MTA1: variants seen among roughly 807,000 people sequenced by gnomAD.
MTA1 encodes the protein metastasis-associated protein MTA1.
A neutral mutation model predicts 97.0 loss-of-function variants in MTA1; 15 were observed. The observed-to-expected ratio is 0.15, with a 90% CI of 0.10 to 0.24. The LOEUF (loss-of-function observed/expected upper bound fraction) is 0.24. MTA1 is among the 10% of genes least tolerant of loss of function. The pLI, the probability that MTA1 is intolerant of heterozygous loss-of-function variation, is 1.00. For synonymous variants in MTA1, 435 were observed against 417.5 expected, an observed-to-expected ratio of 1.04 and a Z score of -0.51; for missense variants, 709 against 1,015.1, an observed-to-expected ratio of 0.70 and a Z score of 4.10.
At chr14:105,427,924 A>ACGCAAG (rs113038624) in intron 1 of MTA1, among the ~76,000 whole-genome samples, 9,408 of 149,774 alleles carry the variant, frequency 0.063, 966 homozygotes, top group African/African-American at 0.22. Context: ...AGGCCGAGGC[A>ACGCAAG]TGAGAATCAC....
chr14:105,465,854 A>C (rs2083559860), intron 16 of MTA1: 1 of 153,480 alleles, frequency 6.5e-6, no homozygotes, highest in Non-Finnish European at 1.5e-5. Flanking sequence ...CTCCCGACAC[A>C]GGGTGACTGT....
Position 105,463,729 on chromosome 14 carries a change from T to C in MTA1, c.1076+178T>C. The C allele has an allele frequency of 1.5e-6, 1 of 645,990 alleles. No individual in the cohort carries two copies. Among genetic ancestry groups the C allele is most frequent in the Non-Finnish European group, 2.7e-6 (1 of 372,554 alleles). 40.0% of individuals were successfully genotyped at this position (645,990 alleles called of 1,614,324 possible). ...GTTCTGGCTGCAGACGCAGTGGCCA[T>C]GTCTCTGTCGTCCTGGCCTCCTGGT... On this transcript the variant is annotated intron_variant, in intron 12 of 20. Coordinates refer to ENST00000331320, the MANE Select transcript of MTA1 (RefSeq NM_004689.4). The surrounding 1 kb of genome is among the most constrained non-coding windows in gnomAD (Gnocchi z 5.9).
intron 1 of MTA1, among the ~76,000 whole-genome samples, chr14:105,421,628 G>C (rs1230492026): frequency 2.6e-5 from 4 of 152,224 alleles, no homozygotes; most frequent in African/African-American, 9.6e-5. Context: ...TGTGATCTTG[G>C]CGCCAGCCTG....
At chr14:105,443,317 C>T (rs782505298) in intron 2 of MTA1, among the ~76,000 whole-genome samples, 3 of 152,174 alleles carry the variant, frequency 2.0e-5, no homozygotes, top group Non-Finnish European at 2.9e-5. Flanking sequence ...CGAGAACGCC[C>T]GGCTCCCGGC....
At chr14:105,445,107 TGGCGGG>T (rs1400620809) in intron 2 of MTA1, among the ~76,000 whole-genome samples, 1 of 152,176 alleles carries the variant, frequency 6.6e-6, no homozygotes, top group Non-Finnish European at 1.5e-5. Flanking sequence ...CTACCCAGTG[TGGCGGG>T]GGCCTTTTCC....
Position 105,470,312 on chromosome 14 carries a change from C to T in MTA1, c.*97C>T, listed in dbSNP as rs1222007129. 79 of 1,076,364 alleles carry T rather than the reference C, an allele frequency of 7.3e-5. No individual in the cohort carries two copies. The highest frequency in any genetic ancestry group is 9.1e-5 in the Non-Finnish European group (73 of 806,034). The allele number at this position is 1,076,364 out of a possible 1,614,324, so 66.7% of individuals were successfully genotyped here. A position where few individuals can be genotyped will look rare whatever the true frequency, so the allele number is the denominator to read the frequency against. ...CCCGCCCCTCAGTTTGGTAGTGCCC[C>T]ACCTCCCGCCCTCACCTGCAGAGAA... is the stretch of plus-strand genomic sequence containing the variant. On this transcript the variant is annotated 3_prime_UTR_variant, in exon 21 of 21. Coordinates refer to ENST00000331320, the MANE Select transcript of MTA1 (RefSeq NM_004689.4).
At chr14:105,425,829 C>T (rs1272989463) in intron 1 of MTA1, among the ~76,000 whole-genome samples, 4 of 151,990 alleles carry the variant, frequency 2.6e-5, no homozygotes, top group Non-Finnish European at 4.4e-5. Flanking sequence ...ATACCCCACC[C>T]GCCCCACCAA....
At position 105,420,989 on chromosome 14, in the gene MTA1, C is replaced by G. The variant is rs1340451116; in HGVS notation, c.28+926C>G. Among the ~76,000 whole-genome samples, 3 of 152,214 alleles carry G rather than the reference C, an allele frequency of 2.0e-5. No homozygotes were observed. The highest frequency in any genetic ancestry group is 4.4e-5 in the Non-Finnish European group (3 of 68,028). On this transcript the variant is annotated intron_variant, in intron 1 of 20. Transcript: ENST00000331320. This position sits in a 1 kb window ranked among gnomAD's most constrained non-coding sequence, Gnocchi z 5.3. Reference sequence around the variant, plus strand: ...TGCTGGAGGGAGCTGGGGTCACTCCCGCTCTGGCTTGATCCCCATGCCCCT... The same window carrying G: ...TGCTGGAGGGAGCTGGGGTCACTCCGGCTCTGGCTTGATCCCCATGCCCCT...
At chr14:105,440,755 G>A (rs2082484142) in intron 2 of MTA1, among the ~76,000 whole-genome samples, 2 of 152,376 alleles carry the variant, frequency 1.3e-5, no homozygotes, top group South Asian at 2.1e-4. Flanking sequence ...CAGGGCAGCC[G>A]AGCCAGACGC....
At position 105,420,546 on chromosome 14, in the gene MTA1, G is replaced by A. The variant is rs2081796374; in HGVS notation, c.28+483G>A. 6.6e-6 allele frequency among the ~76,000 whole-genome samples: 1 copy of A among 152,186 alleles called. No homozygotes were observed. Among genetic ancestry groups the A allele is most frequent in the Admixed American group, 6.5e-5 (1 of 15,292 alleles). On this transcript the variant is annotated intron_variant, in intron 1 of 20. Transcript: ENST00000331320. This position sits in a 1 kb window ranked among gnomAD's most constrained non-coding sequence, Gnocchi z 5.3. Reference sequence around the variant, plus strand: ...GTGAGGGGCCACGTTCCTCCCTAGAGCCCTCCTGCAGCCTGGCCCCGGGGC... The same window carrying A: ...GTGAGGGGCCACGTTCCTCCCTAGAACCCTCCTGCAGCCTGGCCCCGGGGC...
At chr14:105,429,246 G>T (rs2082100825) in intron 1 of MTA1, among the ~76,000 whole-genome samples, 1 of 152,092 alleles carries the variant, frequency 6.6e-6, no homozygotes, top group Admixed American at 6.6e-5. Flanking sequence ...TCAGTACTAA[G>T]GCCGTTCAGC....
chr14:105,423,735 G>A (rs1595248443), intron 1 of MTA1, among the ~76,000 whole-genome samples: 1 of 152,232 alleles, frequency 6.6e-6, no homozygotes, highest in African/African-American at 2.4e-5. Context: ...GCGCTCTGGC[G>A]CGCTGTTAGA....
chr14:105,456,697 T>C (rs587738824), intron 7 of MTA1, among the ~76,000 whole-genome samples: 1 of 152,294 alleles, frequency 6.6e-6, no homozygotes, highest in African/African-American at 2.4e-5. Context: ...GCAGTGCGCA[T>C]ACACGGAGGC....
intron 18 of MTA1, chr14:105,467,109 G>A (rs1486683730): frequency 5.7e-5 from 24 of 419,868 alleles, no homozygotes; most frequent in Non-Finnish European, 9.3e-5. Flanking sequence ...GCGCCTGCCA[G>A]GCGGGACAGT....
At chr14:105,464,604 C>T in intron 14 of MTA1, 37 bp downstream of exon 14, 1 of 1,611,156 alleles carries the variant, frequency 6.2e-7, no homozygotes, top group Non-Finnish European at 8.5e-7. Context: ...TGCCATGAGC[C>T]TGTCGGCCAC....
intron 1 of MTA1, among the ~76,000 whole-genome samples, chr14:105,426,284 C>T (rs2082009930): frequency 1.4e-5 from 2 of 146,630 alleles, no homozygotes; most frequent in Admixed American, 7.2e-5. Flanking sequence ...TGGTACCAAG[C>T]ATACCTTAAA....
Position 105,450,096 on chromosome 14 carries a change from G to A in MTA1, c.280G>A (p.Asp94Asn). 1.2e-6 allele frequency: 2 copies of A among 1,613,490 alleles called. No individual in the cohort carries two copies. The highest frequency in any genetic ancestry group is 1.7e-6 in the Non-Finnish European group (2 of 1,179,898). Residue 94 changes from aspartate (D) to asparagine (N), a missense_variant, in exon 5 of 21, where the codon GAC becomes AAC. This residue lies in a region of MTA1 where 321 missense variants were observed against 593.5 expected (regional missense o/e 0.54). Coordinates refer to ENST00000331320, the MANE Select transcript of MTA1 (RefSeq NM_004689.4). Reference protein sequence around the residue: ...EEEMENPEMVDLPEKLKHQLR... With the variant: ...EEEMENPEMVNLPEKLKHQLR... ...GGAAATGGAGAACCCGGAAATGGTG[G>A]ACCTGCCCGAGAAACTAAAGCACCA...
In MTA1 at chr14:105,469,506, G is replaced by A. The variant is rs1465160590; in HGVS notation, c.1845+8G>A. ...GGACAGGCCAGGCACATGGTAAGAG[G>A]AACAACCCATGATGGGGTACGGTGC... On this transcript the variant is annotated splice_region_variant and intron_variant, in intron 19 of 20. Coordinates refer to ENST00000331320, the MANE Select transcript of MTA1 (RefSeq NM_004689.4). 1.9e-6 allele frequency: 3 copies of A among 1,612,470 alleles called. No homozygotes were observed. The highest frequency in any genetic ancestry group is 1.7e-5 in the Admixed American group (1 of 59,996).
At chr14:105,453,463 T>TTGCACTGC (rs2083022581) in intron 6 of MTA1, among the ~76,000 whole-genome samples, 1 of 152,240 alleles carries the variant, frequency 6.6e-6, no homozygotes. Context: ...TGAGCTGTGA[T>TTGCACTGC]TGCACTGCTG....
Sources: allele counts gnomAD v4.1 joint callset (sites outside exome capture counted in the v4.1 genomes callset), GRCh38; gene constraint gnomAD v4.1.1; regional missense constraint gnomAD v4.1.1; non-coding constraint Gnocchi (gnomAD v3.1); transcripts MANE v1.5; gene names NCBI Gene and HGNC (gene_info 2026-07-23, HGNC 2026-07-21).